The following ATXN2 variants were observed in gnomAD, a reference collection of about 807,000 sequenced individuals.
ATXN2 encodes the protein ataxin 2.
In ATXN2, 37 loss-of-function variants were observed where a neutral mutation model predicts 138.6. The observed-to-expected ratio is 0.27, with a 90% confidence interval of 0.21 to 0.35. The LOEUF (loss-of-function observed/expected upper bound fraction) is 0.35, where lower values mean the gene tolerates loss of function less well. Ranked by LOEUF, ATXN2 falls within the 10% of genes least tolerant of loss-of-function variation. The probability of loss-of-function intolerance (pLI) is 1.00; values close to 1 mark genes in which losing one functional copy is unlikely to be tolerated. For synonymous variants in ATXN2, 549 were observed against 543.7 expected, an observed-to-expected ratio of 1.01 and a Z score of -0.13; for missense variants, 1,216 against 1,480.3, an observed-to-expected ratio of 0.82 and a Z score of 2.93.
intron 10 of ATXN2, among the ~76,000 whole-genome samples, chr12:111,514,839 T>C (rs2094867054): frequency 6.6e-6 from 1 of 152,186 alleles, no homozygotes; most frequent in South Asian, 2.1e-4. Flanking sequence ...GCTAATGTTA[T>C]ACACTATAAT....
At chr12:111,513,686 AC>A in intron 10 of ATXN2, 147 bp from the exon 11 acceptor site, 2 of 601,014 alleles carry the variant, frequency 3.3e-6, no homozygotes, top group Non-Finnish European at 4.9e-6. Context: ...AAAAAAAAAC[AC>A]CATACATATT....
intron 14 of ATXN2, among the ~76,000 whole-genome samples, chr12:111,490,403 C>A (rs1431907637): frequency 1.3e-5 from 2 of 151,806 alleles, no homozygotes; most frequent in Non-Finnish European, 2.9e-5. Context: ...GTGGAGGGAC[C>A]GTCATGGAGG....
intron 5 of ATXN2, among the ~76,000 whole-genome samples, chr12:111,529,672 G>A (rs1338713920): frequency 6.6e-6 from 1 of 152,082 alleles, no homozygotes; most frequent in African/African-American, 2.4e-5. Flanking sequence ...CCTCTTCTGG[G>A]TATCCCCAGC....
At position 111,494,124 on chromosome 12, in the gene ATXN2, T is replaced by C. The variant is rs572700146; in HGVS notation, c.1936-5344A>G. 3.9e-5 allele frequency among the ~76,000 whole-genome samples: 6 copies of C among 152,140 alleles called. No homozygotes were observed. The South Asian group carries it at 1.2e-3, about 31-fold the overall frequency. ...TTTCTATTTTTAGTAGAGAGGGGGT[T>C]TTGCCATATTGGCTAGGCTGGTCTC... On this transcript the variant is annotated intron_variant, in intron 14 of 24. Coordinates refer to ENST00000673436, the MANE Select transcript of ATXN2 (RefSeq NM_001372574.1).
chr12:111,586,110 G>A (rs1884313927), intron 1 of ATXN2, among the ~76,000 whole-genome samples: 1 of 151,846 alleles, frequency 6.6e-6, no homozygotes, highest in Non-Finnish European at 1.5e-5. Context: ...TCCCTGTGTT[G>A]CCCAGGCTGG....
chr12:111,529,162 G>C (rs2135752299), intron 5 of ATXN2, among the ~76,000 whole-genome samples: 1 of 151,922 alleles, frequency 6.6e-6, no homozygotes, highest in Non-Finnish European at 1.5e-5. Context: ...GTAGTAAATA[G>C]TACAATGTTG....
Position 111,457,163 on chromosome 12 carries a change from A to G in ATXN2, c.3042+51T>C, listed in dbSNP as rs916037422. The stretch of plus-strand genomic sequence containing the variant: ...TACCTGGCACCTGAAGAAAGCACTC[A>G]GATACTAGGATAAAGAAGCCACTCC... On this transcript the variant is annotated intron_variant, in intron 22 of 24. Transcript: ENST00000673436. The G allele has an allele frequency of 3.8e-6, 6 of 1,569,436 alleles. No individual in the cohort carries two copies. The Admixed American group carries it at 5.7e-5, about 15-fold the overall frequency.
intron 14 of ATXN2, among the ~76,000 whole-genome samples, chr12:111,490,341 G>C (rs1432157904): frequency 6.6e-6 from 1 of 152,066 alleles, no homozygotes; most frequent in East Asian, 1.9e-4. Flanking sequence ...AGTTCAGAAA[G>C]GTGAACACAG....
At chr12:111,544,955 C>T (rs910987414) in intron 5 of ATXN2, among the ~76,000 whole-genome samples, 4 of 151,602 alleles carry the variant, frequency 2.6e-5, no homozygotes, top group South Asian at 2.1e-4. Flanking sequence ...GTCAGGAGAT[C>T]GAGACCATCC....
intron 1 of ATXN2, among the ~76,000 whole-genome samples, chr12:111,591,476 T>G (rs1884663055): frequency 6.6e-6 from 1 of 151,478 alleles, no homozygotes; most frequent in Non-Finnish European, 1.5e-5. Context: ...TTGAGACCAA[T>G]CTGGGCAACA....
chr12:111,521,642 C>A (rs1341971382), intron 6 of ATXN2, among the ~76,000 whole-genome samples: 1 of 152,168 alleles, frequency 6.6e-6, no homozygotes. Context: ...GTTGTGACAC[C>A]TCAGAAGTGG....
At chr12:111,475,623 T>C (rs144398473) in intron 18 of ATXN2, among the ~76,000 whole-genome samples, 147 of 151,134 alleles carry the variant, frequency 9.7e-4, no homozygotes, top group African/African-American at 3.1e-3. Flanking sequence ...CCCAAGTAGC[T>C]AGAATTACAG....
At chr12:111,579,934 A>G (rs1400934005) in intron 1 of ATXN2, among the ~76,000 whole-genome samples, 2 of 152,038 alleles carry the variant, frequency 1.3e-5, no homozygotes, top group East Asian at 3.9e-4. Flanking sequence ...TCCTGACCTC[A>G]GGTGATCCAC....
At chr12:111,470,386 CCT>C in intron 19 of ATXN2, 146 bp from the exon 20 acceptor site, 1 of 1,210,456 alleles carries the variant, frequency 8.3e-7, no homozygotes, top group Non-Finnish European at 1.1e-6. Context: ...TTCCTCTGAA[CCT>C]CTTACAATCA....
At position 111,598,942 on chromosome 12, in the gene ATXN2, G is replaced by GGGC. The variant is rs749703424; in HGVS notation, c.90_92dup (p.Pro31dup). On this transcript the variant is annotated inframe_insertion, in exon 1 of 25. Coordinates refer to ENST00000673436, the MANE Select transcript of ATXN2 (RefSeq NM_001372574.1). The surrounding 1 kb of genome is among the most constrained non-coding windows in gnomAD (Gnocchi z 4.5). ...CGGGCTTGCGGACATTGGCAGCCGC[G>GGGC]GGCGGCGGCTGCTGCTGCTGCTGCT... is the stretch of plus-strand genomic sequence containing the variant. The GGGC allele has an allele frequency of 1.2e-4, 179 of 1,461,936 alleles. No homozygotes were observed. The South Asian group carries it at 1.3e-3, about 11-fold the overall frequency. 90.6% of individuals were successfully genotyped at this position (1,461,936 alleles called of 1,614,324 possible).
At chr12:111,498,138 G>C (rs1031195700) in intron 14 of ATXN2, among the ~76,000 whole-genome samples, 1 of 152,080 alleles carries the variant, frequency 6.6e-6, no homozygotes, top group Non-Finnish European at 1.5e-5. Flanking sequence ...AAACTGAAAG[G>C]CTTTCCTCTA....
intron 1 of ATXN2, among the ~76,000 whole-genome samples, chr12:111,576,225 C>T (rs1422571497): frequency 1.3e-5 from 2 of 152,128 alleles, no homozygotes; most frequent in Non-Finnish European, 2.9e-5. Context: ...AGGCGGATCA[C>T]TTGAGAATAG....
intron 5 of ATXN2, among the ~76,000 whole-genome samples, chr12:111,527,839 T>C (rs1482444551): frequency 6.6e-6 from 1 of 152,230 alleles, no homozygotes; most frequent in Non-Finnish European, 1.5e-5. Flanking sequence ...CCTTATTTGA[T>C]ACTAACCTGA....
intron 1 of ATXN2, among the ~76,000 whole-genome samples, chr12:111,570,812 A>G (rs995198252): frequency 2.6e-5 from 4 of 152,322 alleles, no homozygotes; most frequent in African/African-American, 9.6e-5. Context: ...TGTTTCATTC[A>G]TCTTTGTCTC....
Sources: allele counts gnomAD v4.1 joint callset (sites outside exome capture counted in the v4.1 genomes callset), GRCh38; gene constraint gnomAD v4.1.1; non-coding constraint Gnocchi (gnomAD v3.1); transcripts MANE v1.5; gene names NCBI Gene and HGNC (gene_info 2026-07-23, HGNC 2026-07-21).